Variants in NRXN2 observed in about 807,000 individuals in gnomAD.
The protein encoded by NRXN2 is neurexin 2.
A neutral mutation model predicts 128.8 loss-of-function variants in NRXN2; 29 were observed. The observed-to-expected ratio is 0.23, with a 90% CI of 0.17 to 0.31. NRXN2 has a LOEUF of 0.31. Ranked by LOEUF, NRXN2 falls within the 10% of genes least tolerant of loss-of-function variation. The pLI, the probability that NRXN2 is intolerant of heterozygous loss-of-function variation, is 1.00. For synonymous variants in NRXN2, 1,098 were observed against 1,075.2 expected, an observed-to-expected ratio of 1.02 and a Z score of -0.41; for missense variants, 1,881 against 2,452.6, an observed-to-expected ratio of 0.77 and a Z score of 4.92.
rs2057178239 is a variant in NRXN2 at position 64,713,715 on chromosome 11, G to A, written c.-16C>T. 2 of 1,046,852 alleles carry A rather than the reference G, an allele frequency of 1.9e-6. No homozygotes were observed. Among genetic ancestry groups the A allele is most frequent in the South Asian group, 4.4e-5 (1 of 22,616 alleles). 64.8% of individuals were successfully genotyped at this position (1,046,852 alleles called of 1,614,324 possible). On this transcript the variant is annotated 5_prime_UTR_variant, in exon 2 of 23. Transcript: ENST00000265459. ...CGGACGCCATGCCTACGGCGGCCCC[G>A]GCCCCGCCCGGCCCCCGGCCCCCGC...
Position 64,632,472 on chromosome 11 carries a change from G to C in NRXN2, c.3586-1899C>G, listed in dbSNP as rs979970019. Among the ~76,000 whole-genome samples the C allele has an allele frequency of 8.5e-5, 13 of 152,154 alleles. No individual in the cohort carries two copies. Among genetic ancestry groups the C allele is most frequent in the Admixed American group, 7.9e-4 (12 of 15,286 alleles). On this transcript the variant is annotated intron_variant, in intron 18 of 22. Coordinates refer to ENST00000265459, the MANE Select transcript of NRXN2 (RefSeq NM_015080.4). The surrounding 1 kb of genome is among the most constrained non-coding windows in gnomAD (Gnocchi z 4.2). ...TCCCCACACACGGGAAGGAACAGTC[G>C]ATCCTCCTCGGTACTATTGTTAGTA...
chr11:64,701,942 A>C (rs867542928), intron 2 of NRXN2, among the ~76,000 whole-genome samples: 1 of 101,522 alleles, frequency 9.9e-6, no homozygotes, highest in African/African-American at 3.7e-5. Context: ...CGCCCCGTCC[A>C]GGAGGGAGGT....
chr11:64,661,844 A>C (rs544454553), intron 9 of NRXN2, among the ~76,000 whole-genome samples: 102 of 152,166 alleles, frequency 6.7e-4, no homozygotes, highest in African/African-American at 2.3e-3. Context: ...CCAAGAGCCC[A>C]CTCTGCGGCC....
chr11:64,637,074 TG>T (rs2044841402), intron 17 of NRXN2, among the ~76,000 whole-genome samples: 1 of 151,934 alleles, frequency 6.6e-6, no homozygotes, highest in African/African-American at 2.4e-5. Context: ...GCAGGAGCCA[TG>T]GGTCCCCTTG....
At chr11:64,649,027 A>G (rs1278797258) in intron 15 of NRXN2, 120 bp from the exon 16 acceptor site, 14 of 1,036,284 alleles carry the variant, frequency 1.4e-5, no homozygotes, top group Admixed American at 5.6e-5. Flanking sequence ...CCCAGATTCC[A>G]GGTCCCTAAC....
At chr11:64,676,807 A>C in intron 7 of NRXN2, 186 bp downstream of exon 7, 3 of 625,922 alleles carry the variant, frequency 4.8e-6, no homozygotes, top group Non-Finnish European at 8.6e-6. Flanking sequence ...ACCAAAAAAG[A>C]AAGAAAAGGG....
In NRXN2 at chr11:64,656,282, C is replaced by T. The variant is rs1272141505; in HGVS notation, c.2390-2560G>A. Among the ~76,000 whole-genome samples the T allele has an allele frequency of 3.3e-5, 5 of 152,146 alleles. No homozygotes were observed. In the East Asian group the frequency reaches 9.6e-4, roughly 29 times the overall value. On this transcript the variant is annotated intron_variant, in intron 11 of 22. Coordinates refer to ENST00000265459, the MANE Select transcript of NRXN2 (RefSeq NM_015080.4). ...GGAAAGGCAATGTACCCTCCCATGG[C>T]CCCAGGGATTAAAGGGCTTTGGGAT...
chr11:64,626,536 C>G lies in NRXN2; in HGVS notation c.3774G>C (p.Glu1258Asp). Residue 1258 changes from glutamate (E) to aspartate (D), a missense_variant, in exon 20 of 23, where the codon GAG (glutamate) becomes GAC (aspartate). By Grantham distance (45) the Glu-to-Asp change is conservative. Coordinates refer to ENST00000265459, the MANE Select transcript of NRXN2 (RefSeq NM_015080.4). The part of the protein sequence containing the change: ...ERYPAGNFDN[E>D]RLAIARQRIP... Reference sequence around the variant, plus strand: ...TTCTCTGTCTAGCAATCGCCAGGCGCTCGTTATCAAAGTTTCCTTGGAAAA... The same window carrying G: ...TTCTCTGTCTAGCAATCGCCAGGCGGTCGTTATCAAAGTTTCCTTGGAAAA... The G allele has an allele frequency of 6.2e-7, 1 of 1,614,066 alleles. No individual in the cohort carries two copies. Among genetic ancestry groups the G allele is most frequent in the Non-Finnish European group, 8.5e-7 (1 of 1,179,930 alleles).
chr11:64,704,442 A>G (rs2055927732), intron 2 of NRXN2, among the ~76,000 whole-genome samples: 1 of 152,164 alleles, frequency 6.6e-6, no homozygotes, highest in African/African-American at 2.4e-5. Flanking sequence ...ATGGAGCTGT[A>G]AAACTGCATC....
In NRXN2 at chr11:64,713,746, C is replaced by T. The variant is rs2057181024; in HGVS notation, c.-47G>A. ...GCCCGGCCCCCGGCCCCCGCTCAGGCTTCAGAGCCGCGGGCGCATGGGGCG... is the reference window on the plus strand; with the variant it reads ...GCCCGGCCCCCGGCCCCCGCTCAGGTTTCAGAGCCGCGGGCGCATGGGGCG... On this transcript the variant is annotated 5_prime_UTR_variant, in exon 2 of 23. Coordinates refer to ENST00000265459, the MANE Select transcript of NRXN2 (RefSeq NM_015080.4). 1 of 1,004,726 alleles carries T rather than the reference C, an allele frequency of 1.0e-6. No individual in the cohort carries two copies. Among genetic ancestry groups the T allele is most frequent in the Non-Finnish European group, 1.2e-6 (1 of 838,698 alleles). The allele number at this position is 1,004,726 out of a possible 1,614,324, so 62.2% of individuals were successfully genotyped here.
chr11:64,653,562 C>T (rs1365687317), intron 12 of NRXN2, 134 bp downstream of exon 12: 4 of 889,442 alleles, frequency 4.5e-6, no homozygotes, highest in Non-Finnish European at 7.4e-6. Context: ...TGCACCCCTC[C>T]CCACACTCAA....
intron 9 of NRXN2, among the ~76,000 whole-genome samples, chr11:64,665,287 A>C (rs1282309360): frequency 6.6e-6 from 1 of 151,996 alleles, no homozygotes; most frequent in East Asian, 1.9e-4. Context: ...CTCAAAAAAA[A>C]AAAAAGAAAG....
chr11:64,709,074 C>T lies in NRXN2; in HGVS notation c.730+3896G>A, dbSNP rs779237454. 3.0e-4 allele frequency among the ~76,000 whole-genome samples: 45 copies of T among 151,888 alleles called. No individual in the cohort carries two copies. The Middle Eastern group carries it at 0.01, about 35-fold the overall frequency. ...GGACATAGTGGCGGGCGCCTGTAATCCCAGCTACTCAGGAGGCTGAGGCAG... is the reference window on the plus strand; with the variant it reads ...GGACATAGTGGCGGGCGCCTGTAATTCCAGCTACTCAGGAGGCTGAGGCAG... On this transcript the variant is annotated intron_variant, in intron 2 of 22. Coordinates refer to ENST00000265459, the MANE Select transcript of NRXN2 (RefSeq NM_015080.4).
At chr11:64,661,337 C>T in intron 9 of NRXN2, 198 bp from the exon 10 acceptor site, 12 of 1,461,774 alleles carry the variant, frequency 8.2e-6, no homozygotes, top group Non-Finnish European at 9.9e-6. Context: ...GGCCCCCAGG[C>T]TCAGAGGCTT....
At chr11:64,657,236 G>T (rs1411209466) in intron 11 of NRXN2, among the ~76,000 whole-genome samples, 1 of 152,244 alleles carries the variant, frequency 6.6e-6, no homozygotes, top group Non-Finnish European at 1.5e-5. Context: ...GGACAGGAAT[G>T]GGGCTCTTGA....
intron 2 of NRXN2, 130 bp downstream of exon 2, chr11:64,712,840 C>A: frequency 1.1e-6 from 1 of 886,884 alleles, no homozygotes; most frequent in East Asian, 2.9e-5. Flanking sequence ...CTGGAGCGCT[C>A]GCACCCACTC....
intron 19 of NRXN2, among the ~76,000 whole-genome samples, chr11:64,626,944 G>A (rs2043144838): frequency 6.6e-6 from 1 of 152,170 alleles, no homozygotes; most frequent in South Asian, 2.1e-4. Flanking sequence ...GGTTTAAGTT[G>A]GGGGCGGGAG....
At chr11:64,697,144 G>A (rs1448180558) in intron 3 of NRXN2, among the ~76,000 whole-genome samples, 1 of 152,178 alleles carries the variant, frequency 6.6e-6, no homozygotes, top group Admixed American at 6.5e-5. Context: ...CGACCTGGAT[G>A]AAGGAAGAAG....
At position 64,719,636 on chromosome 11, in the gene NRXN2, A is replaced by T. The variant is rs539504766; in HGVS notation, c.-245+3335T>A. ...GGGCTGGGGACAGAGGTGCAATGGA[A>T]TGACTTGGTGGAGTGGGGGCCGGAG... On this transcript the variant is annotated intron_variant, in intron 1 of 22. Coordinates refer to ENST00000265459, the MANE Select transcript of NRXN2 (RefSeq NM_015080.4). 2.4e-4 allele frequency among the ~76,000 whole-genome samples: 37 copies of T among 152,260 alleles called. 2 individuals carry two copies. The South Asian group carries it at 7.5e-3, about 31-fold the overall frequency.
Sources: allele counts gnomAD v4.1 joint callset (sites outside exome capture counted in the v4.1 genomes callset), GRCh38; gene constraint gnomAD v4.1.1; non-coding constraint Gnocchi (gnomAD v3.1); transcripts MANE v1.5; gene names NCBI Gene and HGNC (gene_info 2026-07-23, HGNC 2026-07-21).